Variants in MAGI3 observed in about 807,000 individuals in gnomAD.
MAGI3 encodes membrane-associated guanylate kinase, WW and PDZ domain-containing protein 3.
In MAGI3, 43 loss-of-function variants were observed where a neutral mutation model predicts 121.8. The observed-to-expected ratio is 0.35, with a 90% confidence interval of 0.28 to 0.46. The LOEUF is 0.46. Ranked by LOEUF, MAGI3 falls within the 20% of genes least tolerant of loss-of-function variation. MAGI3 has a pLI of 1.00. For missense variants in MAGI3, 1,547 were observed against 1,797.3 expected (o/e 0.86, Z 2.52); for synonymous variants, 553 against 639.3 (o/e 0.86, Z 2.04).
At chr1:113,572,847 G>A (rs977653520) in intron 2 of MAGI3, among the ~76,000 whole-genome samples, 2 of 151,342 alleles carry the variant, frequency 1.3e-5, no homozygotes, top group Non-Finnish European at 2.9e-5. Flanking sequence ...CCAGCTCCTG[G>A]ATTCATTGAT....
intron 4 of MAGI3, among the ~76,000 whole-genome samples, chr1:113,587,821 C>T (rs979396180): frequency 1.3e-5 from 2 of 152,136 alleles, no homozygotes; most frequent in African/African-American, 4.8e-5. Context: ...TTTTCTCCAA[C>T]ATGGTTATTT....
chr1:113,679,622 T>A (rs1648091376), intron 19 of MAGI3, among the ~76,000 whole-genome samples: 1 of 152,186 alleles, frequency 6.6e-6, no homozygotes. Flanking sequence ...TCTTTTAAAA[T>A]AACTCAGACA....
chr1:113,590,327 G>C lies in MAGI3; in HGVS notation c.764-157G>C, dbSNP rs371161463. On this transcript the variant is annotated intron_variant, in intron 4 of 20. Transcript: ENST00000307546. ...TTACTAGGGGAAAAGAGTTGAATAT[G>C]TTGGTTATTTTAAAATTTATAGCAG... Among the ~76,000 whole-genome samples the C allele has an allele frequency of 1.1e-4, 17 of 152,188 alleles. No individual in the cohort carries two copies. In the South Asian group the frequency reaches 2.9e-3, roughly 26 times the overall value.
chr1:113,601,729 C>T (rs1053706173), intron 6 of MAGI3, among the ~76,000 whole-genome samples: 1 of 143,928 alleles, frequency 6.9e-6, no homozygotes, highest in African/African-American at 2.6e-5. Context: ...TGGGTATATA[C>T]CCAAAGGACT....
At chr1:113,604,701 T>C (rs1649642041) in intron 6 of MAGI3, among the ~76,000 whole-genome samples, 1 of 151,712 alleles carries the variant, frequency 6.6e-6, no homozygotes. Context: ...TGGAGGTCAT[T>C]ATTCTAAGTG....
chr1:113,672,756 C>T lies in MAGI3; in HGVS notation c.3045+15C>T, dbSNP rs375313910. The T allele has an allele frequency of 1.0e-4, 168 of 1,604,148 alleles. 3 individuals carry two copies. The South Asian group carries it at 1.7e-3, about 16-fold the overall frequency. ...GGCACAATCAGGTAAACAAACATTT[C>T]CCCAGATGGGGAGTGATATTTTGAG... On this transcript the variant is annotated intron_variant, in intron 18 of 20. Coordinates refer to ENST00000307546, the MANE Select transcript of MAGI3 (RefSeq NM_001142782.2).
intron 12 of MAGI3, 108 bp downstream of exon 12, chr1:113,646,750 T>C: frequency 1.2e-6 from 1 of 833,104 alleles, no homozygotes; most frequent in Non-Finnish European, 1.8e-6. Flanking sequence ...AGTTATTCCT[T>C]CATTACCATT....
intron 1 of MAGI3, among the ~76,000 whole-genome samples, chr1:113,394,600 T>C (rs1355359782): frequency 6.6e-6 from 1 of 152,206 alleles, no homozygotes; most frequent in Non-Finnish European, 1.5e-5. Context: ...GTGAATTTTG[T>C]TCTGAAATTC....
At chr1:113,624,395 C>T (rs1570957202) in intron 9 of MAGI3, among the ~76,000 whole-genome samples, 1 of 152,134 alleles carries the variant, frequency 6.6e-6, no homozygotes, top group East Asian at 1.9e-4. Flanking sequence ...TGGATAAAAG[C>T]CATTTTTAAC....
chr1:113,427,242 A>G (rs1426705343), intron 1 of MAGI3, among the ~76,000 whole-genome samples: 2 of 152,218 alleles, frequency 1.3e-5, no homozygotes. Flanking sequence ...CCTCTGGGTG[A>G]AAAGGGAGTC....
chr1:113,429,031 T>C (rs930763985), intron 1 of MAGI3, among the ~76,000 whole-genome samples: 3 of 152,230 alleles, frequency 2.0e-5, no homozygotes, highest in African/African-American at 7.2e-5. Context: ...TATTCTATTC[T>C]ATTGTCAGTC....
chr1:113,492,963 G>T (rs566290399), intron 1 of MAGI3, among the ~76,000 whole-genome samples: 34 of 152,150 alleles, frequency 2.2e-4, no homozygotes, highest in African/African-American at 8.2e-4. Flanking sequence ...TGGCCATACT[G>T]CCCAAAGCAT....
At chr1:113,503,796 G>A (rs1657172497) in intron 1 of MAGI3, among the ~76,000 whole-genome samples, 1 of 152,008 alleles carries the variant, frequency 6.6e-6, no homozygotes. Flanking sequence ...AAAAATATAT[G>A]TGACTGGGAA....
chr1:113,459,667 C>G (rs571059973), intron 1 of MAGI3, among the ~76,000 whole-genome samples: 1 of 152,180 alleles, frequency 6.6e-6, no homozygotes, highest in Non-Finnish European at 1.5e-5. Flanking sequence ...CAGTTTTCTT[C>G]TCTTTGCCAT....
In MAGI3 at chr1:113,545,031, T is replaced by C. The variant is rs550975984; in HGVS notation, c.317-4484T>C. Among the ~76,000 whole-genome samples the C allele has an allele frequency of 4.2e-5, 6 of 142,884 alleles. No individual in the cohort carries two copies. In the East Asian group the frequency reaches 9.8e-4, roughly 23 times the overall value. The allele number at this position is 142,884 out of a possible 152,430, so 93.7% of individuals were successfully genotyped here. On this transcript the variant is annotated intron_variant, in intron 1 of 20. Transcript: ENST00000307546. ...CTCAGGTATAATCGTAGGGTTATTG[T>C]CACTTTTTTTTTTTTAACAAAATAT...
chr1:113,662,772 T>C (rs1349539964), intron 16 of MAGI3, among the ~76,000 whole-genome samples: 1 of 152,260 alleles, frequency 6.6e-6, no homozygotes, highest in African/African-American at 2.4e-5. Flanking sequence ...TTATGGATTT[T>C]ACACTGGGTT....
chr1:113,604,003 G>A (rs1258531223), intron 6 of MAGI3, among the ~76,000 whole-genome samples: 3 of 152,184 alleles, frequency 2.0e-5, no homozygotes, highest in Non-Finnish European at 4.4e-5. Context: ...CATGGGTGCA[G>A]TGAAAAGAGA....
intron 6 of MAGI3, among the ~76,000 whole-genome samples, chr1:113,599,839 T>C (rs988987460): frequency 0.017 from 2,611 of 151,784 alleles, 87 homozygotes; most frequent in African/African-American, 0.059. Context: ...ACTGGCAAAC[T>C]GAATCCAGCA....
intron 1 of MAGI3, among the ~76,000 whole-genome samples, chr1:113,424,211 C>T (rs1328517323): frequency 6.8e-6 from 1 of 147,948 alleles, no homozygotes; most frequent in Admixed American, 6.8e-5. Context: ...CCTGCCCCCC[C>T]GCCCCCCGCT....
Sources: allele counts gnomAD v4.1 joint callset (sites outside exome capture counted in the v4.1 genomes callset), GRCh38; gene constraint gnomAD v4.1.1; transcripts MANE v1.5; gene names NCBI Gene and HGNC (gene_info 2026-07-23, HGNC 2026-07-21).